The following MARK4 variants were observed in gnomAD, a reference collection of about 807,000 sequenced individuals.
MARK4 encodes microtubule affinity regulating kinase 4, also known as MAP/microtubule affinity-regulating kinase 4.
MARK4 carries 19 observed loss-of-function variants against 81.5 expected under a neutral mutation model. That is an observed-to-expected ratio of 0.23 (90% CI 0.16 to 0.34). MARK4 has a LOEUF of 0.34. MARK4 is among the 10% of genes least tolerant of loss of function. MARK4 has a pLI of 1.00. For missense variants in MARK4, 772 were observed against 1,058.8 expected (o/e 0.73, Z 3.76); for synonymous variants, 436 against 439.0 (o/e 0.99, Z 0.08).
At chr19:45,277,079 C>G (rs1262881101) in intron 8 of MARK4, among the ~76,000 whole-genome samples, 1 of 151,484 alleles carries the variant, frequency 6.6e-6, no homozygotes, top group East Asian at 2.0e-4. Flanking sequence ...AGAGAATAAA[C>G]TTCCTTTTTT....
chr19:45,300,472 C>G (rs1970954812), intron 16 of MARK4, among the ~76,000 whole-genome samples: 2 of 151,576 alleles, frequency 1.3e-5, no homozygotes, highest in African/African-American at 4.8e-5. Flanking sequence ...AGCTCAGGGC[C>G]AGCAGGAGGC....
At chr19:45,254,348 A>G (rs928137512) in intron 1 of MARK4, among the ~76,000 whole-genome samples, 5 of 151,730 alleles carry the variant, frequency 3.3e-5, no homozygotes, top group African/African-American at 1.2e-4. Context: ...GCGTGGTGCC[A>G]TCCCACCTCC....
At chr19:45,298,309 C>A in intron 15 of MARK4, 1 of 1,401,202 alleles carries the variant, frequency 7.1e-7, no homozygotes, top group Non-Finnish European at 1.0e-6. Flanking sequence ...GGAGGGGGCT[C>A]TGTGGATGTG....
chr19:45,284,375 T>C (rs1179231721), intron 12 of MARK4, among the ~76,000 whole-genome samples: 1 of 150,366 alleles, frequency 6.7e-6, no homozygotes, highest in Non-Finnish European at 1.5e-5. Context: ...CAAGCTGGAG[T>C]GCAGTGGCGC....
At chr19:45,266,577 C>T (rs941647939) in intron 7 of MARK4, among the ~76,000 whole-genome samples, 8 of 151,916 alleles carry the variant, frequency 5.3e-5, no homozygotes, top group South Asian at 2.1e-4. Flanking sequence ...TGGATAAGGA[C>T]GCTGGGACAT....
rs1686148112 is a variant in MARK4, at chr19:45,287,621, A to G, written c.1451A>G (p.Lys484Arg). 9 of 1,596,238 alleles carry G rather than the reference A, an allele frequency of 5.6e-6. No individual in the cohort carries two copies. The highest frequency in any genetic ancestry group is 7.7e-6 in the Non-Finnish European group (9 of 1,167,708). Residue 484 changes from lysine (K) to arginine (R), a missense_variant, in exon 13 of 17, where the codon AAG becomes AGG. By Grantham distance (26) the Lys-to-Arg change is conservative. Coordinates refer to ENST00000262891, the MANE Select transcript of MARK4 (RefSeq NM_001199867.2). ...PMVSSAHNPNKAEIPERRKDS... is the reference protein window; with the variant it reads ...PMVSSAHNPNRAEIPERRKDS... ...GTCAGCAGCGCCCACAACCCCAACA[A>G]GGCAGAGATCCCAGAGCGGCGGAAG...
chr19:45,286,821 A>C lies in MARK4; in HGVS notation c.1277-626A>C, dbSNP rs531297940. ...TGGAGATATTCATATATAAGCAAGT[A>C]GATATAGATACACACTTTTTTGCTT... On this transcript the variant is annotated intron_variant, in intron 12 of 16. Coordinates refer to ENST00000262891, the MANE Select transcript of MARK4 (RefSeq NM_001199867.2). Among the ~76,000 whole-genome samples the C allele has an allele frequency of 3.9e-5, 6 of 152,350 alleles. No homozygotes were observed. The East Asian group carries it at 1.2e-3, about 29-fold the overall frequency.
intron 15 of MARK4, 83 bp from the exon 16 acceptor site, chr19:45,299,728 C>A: frequency 7.6e-7 from 1 of 1,320,388 alleles, no homozygotes; most frequent in Non-Finnish European, 1.0e-6. Context: ...GCAGGGGCTG[C>A]TTGGAGTCCC....
chr19:45,283,936 T>C (rs1970710056), intron 12 of MARK4, among the ~76,000 whole-genome samples: 1 of 152,202 alleles, frequency 6.6e-6, no homozygotes, highest in Non-Finnish European at 1.5e-5. Context: ...GGTACTAGGC[T>C]GTCTGCTTGT....
intron 10 of MARK4, among the ~76,000 whole-genome samples, chr19:45,279,939 CA>C (rs930663604): frequency 1.3e-5 from 2 of 152,172 alleles, no homozygotes; most frequent in Non-Finnish European, 2.9e-5. Flanking sequence ...GCAGGGGAGC[CA>C]TCCACGTGAT....
chr19:45,304,744 G>A lies in MARK4; in HGVS notation c.*2034G>A, dbSNP rs1157224819. On this transcript the variant is annotated 3_prime_UTR_variant, in exon 17 of 17. Coordinates refer to ENST00000262891, the MANE Select transcript of MARK4 (RefSeq NM_001199867.2). ...ATAGGGGAGTCCAGAGGTGATGCCTGCCTCAGCCAGGGAGGGCTTCCTGGA... is the reference window on the plus strand; with the variant it reads ...ATAGGGGAGTCCAGAGGTGATGCCTACCTCAGCCAGGGAGGGCTTCCTGGA... 1 of 152,646 alleles carries A rather than the reference G, an allele frequency of 6.6e-6. No individual in the cohort carries two copies. Among genetic ancestry groups the A allele is most frequent in the Non-Finnish European group, 1.5e-5 (1 of 68,428 alleles). The allele number at this position is 152,646 out of a possible 1,614,324, so 9.5% of individuals were successfully genotyped here.
At chr19:45,255,372 C>T (rs935636895) in intron 1 of MARK4, among the ~76,000 whole-genome samples, 2 of 151,882 alleles carry the variant, frequency 1.3e-5, no homozygotes, top group South Asian at 2.1e-4. Context: ...ACCAGCCTGG[C>T]CAACATGGTG....
intron 10 of MARK4, 129 bp from the exon 11 acceptor site, chr19:45,280,245 T>G: frequency 1.3e-6 from 1 of 770,996 alleles, no homozygotes; most frequent in Non-Finnish European, 2.2e-6. Context: ...GAGGCTGCAG[T>G]GAGCTGTGAC....
chr19:45,293,919 G>T (rs558263556), intron 13 of MARK4, among the ~76,000 whole-genome samples: 1 of 152,274 alleles, frequency 6.6e-6, no homozygotes, highest in East Asian at 1.9e-4. Flanking sequence ...AGTGAGTCAG[G>T]GGAAAAGGTA....
chr19:45,266,063 C>T (rs1394357137), intron 6 of MARK4, among the ~76,000 whole-genome samples, 162 bp from the exon 7 acceptor site: 2 of 151,932 alleles, frequency 1.3e-5, no homozygotes, highest in Admixed American at 6.6e-5. Flanking sequence ...GCCCAGGTTC[C>T]ACGGGCACCT....
chr19:45,262,937 G>C (rs1302559594), intron 2 of MARK4, 176 bp from the exon 3 acceptor site: 2 of 655,368 alleles, frequency 3.1e-6, no homozygotes, highest in East Asian at 2.9e-5. Flanking sequence ...GCTAATTTTT[G>C]TATTTTTAGT....
chr19:45,295,939 A>T (rs1970881680), intron 14 of MARK4, among the ~76,000 whole-genome samples: 1 of 152,212 alleles, frequency 6.6e-6, no homozygotes, highest in African/African-American at 2.4e-5. Flanking sequence ...AACAATAGTG[A>T]ACATTCATGA....
intron 6 of MARK4, among the ~76,000 whole-genome samples, chr19:45,266,010 G>T (rs183362899): frequency 6.6e-6 from 1 of 152,020 alleles, no homozygotes; most frequent in African/African-American, 2.4e-5. Flanking sequence ...CCTTGGTTCC[G>T]ACATCCCTGG....
intron 2 of MARK4, among the ~76,000 whole-genome samples, chr19:45,261,638 A>G (rs977143802): frequency 3.3e-5 from 5 of 152,168 alleles, no homozygotes; most frequent in African/African-American, 9.7e-5. Flanking sequence ...AAATAAAATA[A>G]AAGTTTTACT....
Sources: allele counts gnomAD v4.1 joint callset (sites outside exome capture counted in the v4.1 genomes callset), GRCh38; gene constraint gnomAD v4.1.1; transcripts MANE v1.5; gene names NCBI Gene and HGNC (gene_info 2026-07-23, HGNC 2026-07-21).